Variants in SYNE2 observed in about 807,000 individuals in gnomAD.
SYNE2 encodes the protein nesprin-2.
In SYNE2, 431 loss-of-function variants were observed where a neutral mutation model predicts 856.3. That is an observed-to-expected ratio of 0.50 (90% confidence interval 0.47 to 0.55). The LOEUF (loss-of-function observed/expected upper bound fraction) is 0.55, where lower values mean the gene tolerates loss of function less well. Among genes scored for constraint, SYNE2 ranks in the 20% least tolerant of loss-of-function variants. SYNE2 has a pLI of 0.00. For missense variants in SYNE2, 8,129 were observed against 8,023.2 expected, an observed-to-expected ratio of 1.01 and a Z score of -0.50; for synonymous variants, 2,923 against 2,872.3, an observed-to-expected ratio of 1.02 and a Z score of -0.56.
chr14:64,139,480 C>T (rs1422805051), intron 79 of SYNE2, among the ~76,000 whole-genome samples: 6 of 151,728 alleles, frequency 4.0e-5, no homozygotes, highest in African/African-American at 1.5e-4. Context: ...GGCGCAATCT[C>T]GGCTCACTGC....
chr14:64,137,717 C>G, intron 78 of SYNE2, 70 bp from the exon 79 acceptor site: 5 of 1,491,806 alleles, frequency 3.4e-6, no homozygotes, highest in South Asian at 2.3e-5. Flanking sequence ...GTTTTAAATG[C>G]AGTATTTGTG....
intron 1 of SYNE2, among the ~76,000 whole-genome samples, chr14:63,902,243 T>G (rs2095346855): frequency 6.6e-6 from 1 of 151,856 alleles, no homozygotes; most frequent in African/African-American, 2.4e-5. Context: ...AAACTCCATC[T>G]CTACTAAAAG....
chr14:64,209,920 T>C (rs770567835), intron 102 of SYNE2, 22 bp from the exon 103 acceptor site: 10 of 1,613,942 alleles, frequency 6.2e-6, no homozygotes, highest in Non-Finnish European at 8.5e-6. Flanking sequence ...GCTTTGGCTC[T>C]GACCCCTCCC....
chr14:64,087,567 T>C, intron 57 of SYNE2, 104 bp from the exon 58 acceptor site: 2 of 1,275,032 alleles, frequency 1.6e-6, no homozygotes, highest in East Asian at 2.3e-5. Flanking sequence ...ATGACTAGTT[T>C]AAAATGTTGA....
chr14:64,091,965 G>C (rs1350067401), intron 60 of SYNE2, among the ~76,000 whole-genome samples: 1 of 151,994 alleles, frequency 6.6e-6, no homozygotes, highest in East Asian at 1.9e-4. Flanking sequence ...TTCTCCTAAG[G>C]TTTGAGGAGA....
chr14:64,138,820 A>G (rs1327346902), intron 79 of SYNE2, among the ~76,000 whole-genome samples: 2 of 152,070 alleles, frequency 1.3e-5, no homozygotes, highest in African/African-American at 4.8e-5. Context: ...AGAAGGGCAG[A>G]ATATTGTTTG....
chr14:64,016,232 A>T (rs984673399), intron 32 of SYNE2, among the ~76,000 whole-genome samples: 1 of 152,102 alleles, frequency 6.6e-6, no homozygotes, highest in Non-Finnish European at 1.5e-5. Flanking sequence ...TAAAAATTTC[A>T]TCATGCAGAG....
chr14:64,174,949 A>C lies in SYNE2; in HGVS notation c.17241A>C (p.Lys5747Asn). ...ACTTCTCTTTTTTTTCTTAGAATAA[A>C]GAAATTCATTTTCAAAGGAGGCGAA... The part of the protein sequence containing the change: ...TRSLIHELKN[K>N]EIHFQRRRTT... The change falls in exon 95 of 116, where the codon AAA (lysine) becomes AAC (asparagine). Residue 5747 changes from lysine to asparagine, a missense_variant. Physicochemically the swap from Lys to Asn is moderately conservative, Grantham distance 94. Coordinates refer to ENST00000555002, the MANE Select transcript of SYNE2 (RefSeq NM_182914.3). 1 of 1,614,074 alleles carries C rather than the reference A, an allele frequency of 6.2e-7. No homozygotes were observed. The highest frequency in any genetic ancestry group is 8.5e-7 in the Non-Finnish European group (1 of 1,179,946).
chr14:63,913,739 G>A (rs899207511), intron 2 of SYNE2, among the ~76,000 whole-genome samples: 10 of 145,560 alleles, frequency 6.9e-5, no homozygotes, highest in Non-Finnish European at 1.2e-4. Context: ...TGGGATTATA[G>A]GCGTGAGCCA....
intron 96 of SYNE2, among the ~76,000 whole-genome samples, chr14:64,182,955 G>A (rs1378362297): frequency 6.6e-6 from 1 of 151,936 alleles, no homozygotes. Context: ...TTCCCAGAAG[G>A]GGCGGCCGGG....
intron 45 of SYNE2, among the ~76,000 whole-genome samples, chr14:64,040,757 C>G (rs947657238): frequency 6.6e-6 from 1 of 150,462 alleles, no homozygotes; most frequent in Non-Finnish European, 1.5e-5. Context: ...AATGATTGAA[C>G]ACATTTCTGA....
intron 95 of SYNE2, 128 bp downstream of exon 95, chr14:64,175,266 C>A: frequency 5.8e-6 from 6 of 1,040,408 alleles, no homozygotes; most frequent in African/African-American, 1.6e-5. Context: ...AAGCTGTAAT[C>A]TGTAAGTCAT....
At chr14:64,181,728 A>G (rs571871596) in intron 96 of SYNE2, among the ~76,000 whole-genome samples, 1 of 152,324 alleles carries the variant, frequency 6.6e-6, no homozygotes, top group Non-Finnish European at 1.5e-5. Flanking sequence ...TTCTAAGCAC[A>G]GCTGCAAAAA....
intron 1 of SYNE2, among the ~76,000 whole-genome samples, chr14:63,885,870 C>G (rs982796520): frequency 5.9e-5 from 9 of 152,154 alleles, no homozygotes; most frequent in Non-Finnish European, 1.0e-4. Context: ...CCAGGGTCAT[C>G]GAGATGAAGG....
At chr14:63,838,884 T>C (rs1055390520) in intron 1 of SYNE2, among the ~76,000 whole-genome samples, 1 of 152,126 alleles carries the variant, frequency 6.6e-6, no homozygotes, top group Admixed American at 6.6e-5. Flanking sequence ...TGTCTTAAGG[T>C]TTGCAAATTT....
chr14:63,888,775 A>C (rs561584591), intron 1 of SYNE2, among the ~76,000 whole-genome samples: 1 of 152,312 alleles, frequency 6.6e-6, no homozygotes, highest in East Asian at 1.9e-4. Flanking sequence ...GTTCTTTTCC[A>C]ATGTAAATTT....
chr14:63,990,570 G>T lies in SYNE2; in HGVS notation c.2472+1G>T. 6.2e-7 allele frequency: 1 copy of T among 1,613,318 alleles called. No homozygotes were observed. The highest frequency in any genetic ancestry group is 1.7e-4 in the Middle Eastern group (1 of 5,986). On this transcript the variant is annotated splice_donor_variant, in intron 20 of 115. Coordinates refer to ENST00000555002, the MANE Select transcript of SYNE2 (RefSeq NM_182914.3). LOFTEE classifies it high-confidence loss of function. ...TCAAGAAGCTAAAGAGAAAGTCCAGGTCTCTCTTTAATATTCCCTATTTAG... is the reference window on the plus strand; with the variant it reads ...TCAAGAAGCTAAAGAGAAAGTCCAGTTCTCTCTTTAATATTCCCTATTTAG...
intron 1 of SYNE2, among the ~76,000 whole-genome samples, chr14:63,777,778 C>T (rs1197871082): frequency 6.6e-6 from 1 of 152,114 alleles, no homozygotes; most frequent in Non-Finnish European, 1.5e-5. Flanking sequence ...AAGGGATCCT[C>T]CAGCCTCAGC....
intron 1 of SYNE2, among the ~76,000 whole-genome samples, chr14:63,782,135 C>CA (rs200894740): frequency 0.42 from 57,190 of 136,408 alleles, 12,842 homozygotes; most frequent in South Asian, 0.56. Flanking sequence ...GACCCCATCT[C>CA]AAAAAAAAAA....
Sources: allele counts gnomAD v4.1 joint callset (sites outside exome capture counted in the v4.1 genomes callset), GRCh38; gene constraint gnomAD v4.1.1; transcripts MANE v1.5; gene names NCBI Gene and HGNC (gene_info 2026-07-23, HGNC 2026-07-21).